Variants in MAGEC2 observed in about 807,000 individuals in gnomAD.
MAGEC2 encodes melanoma-associated antigen C2.
For missense variants in MAGEC2, 332 were observed against 282.3 expected (o/e 1.18, Z -1.26); for synonymous variants, 127 against 115.1 (o/e 1.10, Z -0.66).
In MAGEC2 at chrX:142,204,454, A is replaced by T. The variant is rs928672416; in HGVS notation, c.-159T>A. 1.2e-4 allele frequency: 23 copies of T among 186,152 alleles called. No individual in the cohort carries two copies. Among genetic ancestry groups the T allele is most frequent in the African/African-American group, 6.0e-4 (20 of 33,495 alleles). 15.3% of individuals were successfully genotyped at this position (186,152 alleles called of 1,213,427 possible). A position where few individuals can be genotyped will look rare whatever the true frequency, so the allele number is the denominator to read the frequency against. ...TTCGTCACCACCTGGTTCCTGGAGC[A>T]CCTGCAAGAGGAAGTGAGGGAGCCC... On this transcript the variant is annotated splice_region_variant and 5_prime_UTR_variant, in exon 2 of 3. Coordinates refer to ENST00000247452, the MANE Select transcript of MAGEC2 (RefSeq NM_016249.4).
In MAGEC2 at chrX:142,202,859, C is replaced by T; in HGVS notation, c.*7G>A. On this transcript the variant is annotated 3_prime_UTR_variant, in exon 3 of 3. Transcript: ENST00000247452. ...TCAAACACAAGGGGAAGAAACTATC[C>T]TAGACTTCACTCAGAAAAGGAGACG... The T allele has an allele frequency of 1.7e-6, 2 of 1,202,483 alleles. No individual in the cohort carries two copies. Among genetic ancestry groups the T allele is most frequent in the Non-Finnish European group, 2.2e-6 (2 of 890,807 alleles).
In MAGEC2 at chrX:142,203,632, T is replaced by C; in HGVS notation, c.356A>G (p.Gln119Arg). ...WSSFSEESSS[Q>R]KGEDTGTCQG... ...ACAGGTGCCTGTATCCTCCCCTTTC[T>C]GGCTGCTGGACTCCTCACTGAATGA... Residue 119 changes from glutamine (Q) to arginine (R), a missense_variant, in exon 3 of 3, where the codon CAG becomes CGG. By Grantham distance (43) the Gln-to-Arg change is conservative. Coordinates refer to ENST00000247452, the MANE Select transcript of MAGEC2 (RefSeq NM_016249.4). 5 of 1,210,757 alleles carry C rather than the reference T, an allele frequency of 4.1e-6. No individual in the cohort carries two copies. The highest frequency in any genetic ancestry group is 1.8e-5 in the South Asian group (1 of 56,847).
In MAGEC2 at chrX:142,202,955, GGACTCTC is replaced by G; in HGVS notation, c.1026_1032del (p.Glu342AspfsTer33). 8.3e-7 allele frequency: 1 copy of G among 1,211,304 alleles called. No homozygotes were observed. Among genetic ancestry groups the G allele is most frequent in the Non-Finnish European group, 1.1e-6 (1 of 895,183 alleles). ...TCATCTGCGGTATCAATTGTGGCCT[GGACTCTC>G]TCTTCCACATCTTTCAAAGCATCCT... On this transcript the variant is annotated frameshift_variant, in exon 3 of 3. Transcript: ENST00000247452. LOFTEE classifies it low-confidence loss of function (END_TRUNC).
In MAGEC2 at chrX:142,203,452, G is replaced by A. The variant is rs769552553; in HGVS notation, c.536C>T (p.Pro179Leu). 1 of 1,209,747 alleles carries A rather than the reference G, an allele frequency of 8.3e-7. No homozygotes were observed. The highest frequency in any genetic ancestry group is 1.8e-5 in the African/African-American group (1 of 57,024). ...CTCACGGGCTCTCTTGAGTATCACA[G>A]GAAAGTAATCTTTGTACTTGATGAC... ...MIVIKYKDYFPVILKRAREFM... is the reference protein window; with the variant it reads ...MIVIKYKDYFLVILKRAREFM... Residue 179 changes from proline (P) to leucine (L), a missense_variant, in exon 3 of 3, where the codon CCT becomes CTT. Pro to Leu is a moderately conservative substitution (Grantham distance 98). Coordinates refer to ENST00000247452, the MANE Select transcript of MAGEC2 (RefSeq NM_016249.4).
intron 2 of MAGEC2, 138 bp downstream of exon 2, chrX:142,204,224 G>T: frequency 1.6e-6 from 1 of 608,985 alleles, no homozygotes; most frequent in South Asian, 2.8e-5. Flanking sequence ...GAGGATGTGG[G>T]AACACACCTC....
Position 142,203,303 on chromosome X carries a change from G to A in MAGEC2, c.685C>T (p.Leu229Phe). Reference sequence around the variant, plus strand: ...ATCACACTCAGAATAATAATCAGGAGGCTGTTCTCGGGCATGCCCTCATCA... The same window carrying A: ...ATCACACTCAGAATAATAATCAGGAAGCTGTTCTCGGGCATGCCCTCATCA... ...SDDEGMPENS[L>F]LIIILSVIFI... Residue 229 changes from leucine to phenylalanine, a missense_variant, in exon 3 of 3, where the codon CTC becomes TTC. Transcript: ENST00000247452. 1 of 1,211,119 alleles carries A rather than the reference G, an allele frequency of 8.3e-7. No homozygotes were observed. The highest frequency in any genetic ancestry group is 2.2e-5 in the Admixed American group (1 of 46,010).
Position 142,202,972 on chromosome X carries a change from T to A in MAGEC2, c.1016A>T (p.Asp339Val). The change falls in exon 3 of 3, where the codon GAT (aspartate) becomes GTT (valine). Residue 339 changes from aspartate to valine, a missense_variant. Physicochemically the swap from Asp to Val is radical, Grantham distance 152. Transcript: ENST00000247452. ...FPSWYKDALK[D>V]VEERVQATID... ...TGTGGCCTGGACTCTCTCTTCCACA[T>A]CTTTCAAAGCATCCTTGTACCAGGA... The A allele has an allele frequency of 8.3e-7, 1 of 1,211,919 alleles. No homozygotes were observed. Among genetic ancestry groups the A allele is most frequent in the Non-Finnish European group, 1.1e-6 (1 of 895,538 alleles).
Position 142,204,010 on chromosome X carries a change from G to A in MAGEC2, c.-23C>T, listed in dbSNP as rs376876482. The A allele has an allele frequency of 1.7e-6, 2 of 1,188,124 alleles. No homozygotes were observed. Among genetic ancestry groups the A allele is most frequent in the African/African-American group, 3.5e-5 (2 of 56,398 alleles). On this transcript the variant is annotated 5_prime_UTR_variant, in exon 3 of 3. Transcript: ENST00000247452. ...CATGACGACTTCTTCAGGAGCAGCA[G>A]GTAAACGTATCAACAGGGATATGGA...
At position 142,202,897 on chromosome X, in the gene MAGEC2, A is replaced by G; in HGVS notation, c.1091T>C (p.Val364Ala). The change falls in exon 3 of 3, where the codon GTC (valine) becomes GCC (alanine). Residue 364 changes from valine (V) to alanine (A), a missense_variant. Coordinates refer to ENST00000247452, the MANE Select transcript of MAGEC2 (RefSeq NM_016249.4). ...AGAAAAGGAGACGTTGCTGGACATG[A>G]CACTGAGGCTTTCACTGGCCATGAC... The part of the protein sequence containing the change: ...ATVMASESLS[V>A]MSSNVSFSE 2.5e-6 allele frequency: 3 copies of G among 1,211,288 alleles called. No individual in the cohort carries two copies. Among genetic ancestry groups the G allele is most frequent in the Non-Finnish European group, 2.2e-6 (2 of 895,262 alleles).
rs753427720 is a variant in MAGEC2, at chrX:142,203,432, G to A, written c.556C>T (p.Arg186Cys). Reference sequence around the variant, plus strand: ...CCAAAAAGAAGCTCCATGAACTCACGGGCTCTCTTGAGTATCACAGGAAAG... The same window carrying A: ...CCAAAAAGAAGCTCCATGAACTCACAGGCTCTCTTGAGTATCACAGGAAAG... The part of the protein sequence containing the change: ...DYFPVILKRA[R>C]EFMELLFGLA... Residue 186 changes from arginine (R) to cysteine (C), a missense_variant, in exon 3 of 3, where the codon CGT (arginine) becomes TGT (cysteine). Arg to Cys is a radical substitution (Grantham distance 180, BLOSUM62 -3). Coordinates refer to ENST00000247452, the MANE Select transcript of MAGEC2 (RefSeq NM_016249.4). 1.6e-5 allele frequency: 19 copies of A among 1,209,637 alleles called. No individual in the cohort carries two copies. Among genetic ancestry groups the A allele is most frequent in the African/African-American group, 1.1e-4 (6 of 57,060 alleles).
chrX:142,203,966 G>C lies in MAGEC2; in HGVS notation c.22C>G (p.Pro8Ala). The C allele has an allele frequency of 3.4e-6, 4 of 1,177,716 alleles. No homozygotes were observed. The highest frequency in any genetic ancestry group is 4.5e-6 in the Non-Finnish European group (4 of 879,579). The change falls in exon 3 of 3, where the codon CCA becomes GCA. Residue 8 changes from proline (P) to alanine (A), a missense_variant. By Grantham distance (27) the Pro-to-Ala change is conservative. Coordinates refer to ENST00000247452, the MANE Select transcript of MAGEC2 (RefSeq NM_016249.4). MPPVPGV[P>A]FRNVDNDSPT... ...GAGTCGTTGTCAACGTTGCGGAATG[G>C]AACGCCTGGAACGGGAGGCATGACG... is the stretch of plus-strand genomic sequence containing the variant.
chrX:142,203,719 C>A lies in MAGEC2; in HGVS notation c.269G>T (p.Gly90Val), dbSNP rs1602740521. The A allele has an allele frequency of 8.3e-7, 1 of 1,209,753 alleles. No individual in the cohort carries two copies. Among genetic ancestry groups the A allele is most frequent in the South Asian group, 1.8e-5 (1 of 56,694 alleles). ...TESIPSSPPQ[G>V]PPQGPSQSPL... ...ACTCTGGGAAGGACCCTGTGGAGGA[C>A]CCTGTGGAGGACTACTGGGAATGCT... Residue 90 changes from glycine (G) to valine (V), a missense_variant, in exon 3 of 3, where the codon GGT becomes GTT. By Grantham distance (109) the Gly-to-Val change is moderately radical. Coordinates refer to ENST00000247452, the MANE Select transcript of MAGEC2 (RefSeq NM_016249.4).
rs1931188180 is a variant in MAGEC2 at position 142,203,625 on chromosome X, C to T, written c.363G>A (p.Gly121=). The T allele has an allele frequency of 3.3e-6, 4 of 1,210,669 alleles. No homozygotes were observed. The East Asian group carries it at 1.2e-4, about 36-fold the overall frequency. The stretch of plus-strand genomic sequence containing the variant: ...GGCCCTGACAGGTGCCTGTATCCTC[C>T]CCTTTCTGGCTGCTGGACTCCTCAC... ...SFSEESSSQK[G]EDTGTCQGLP... The change falls in exon 3 of 3, where the codon GGG becomes GGA. Residue 121 remains glycine, a synonymous_variant. Transcript: ENST00000247452.
rs187327192 is a variant in MAGEC2 at position 142,204,468 on chromosome X, G to A, written c.-160-13C>T. On this transcript the variant is annotated splice_polypyrimidine_tract_variant and intron_variant, in intron 1 of 2. Transcript: ENST00000247452. ...GTTCCTGGAGCACCTGCAAGAGGAA[G>A]TGAGGGAGCCCCTCAGGCTAAAGAC... The A allele has an allele frequency of 1.4e-4, 24 of 173,279 alleles. No homozygotes were observed. The highest frequency in any genetic ancestry group is 6.9e-4 in the African/African-American group (23 of 33,161). The allele number at this position is 173,279 out of a possible 1,213,427, so 14.3% of individuals were successfully genotyped here. A position where few individuals can be genotyped will look rare whatever the true frequency, so the allele number is the denominator to read the frequency against.
intron 2 of MAGEC2, 102 bp downstream of exon 2, chrX:142,204,260 G>C (rs1931202092): frequency 2.1e-6 from 1 of 483,446 alleles, no homozygotes; most frequent in East Asian, 3.5e-5. Context: ...GGCAGAGCCT[G>C]AGACCCCAGG....
At position 142,204,055 on chromosome X, in the gene MAGEC2, T is replaced by C; in HGVS notation, c.-66-2A>G. On this transcript the variant is annotated splice_acceptor_variant, in intron 2 of 2. Coordinates refer to ENST00000247452, the MANE Select transcript of MAGEC2 (RefSeq NM_016249.4). LOFTEE classifies it low-confidence loss of function (5UTR_SPLICE). ...TATGGATGATGAGATCCAACAGGCC[T>C]GTGGAAGAGAGTGACAGTGTGAGTG... 1 of 1,182,481 alleles carries C rather than the reference T, an allele frequency of 8.5e-7. No homozygotes were observed. Among genetic ancestry groups the C allele is most frequent in the East Asian group, 3.0e-5 (1 of 33,689 alleles).
In MAGEC2 at chrX:142,204,378, G is replaced by T. The variant is rs968350342; in HGVS notation, c.-83C>A. 8 of 305,465 alleles carry T rather than the reference G, an allele frequency of 2.6e-5. No individual in the cohort carries two copies. Among genetic ancestry groups the T allele is most frequent in the Non-Finnish European group, 4.0e-5 (7 of 175,729 alleles). 25.2% of individuals were successfully genotyped at this position (305,465 alleles called of 1,213,427 possible). A position where few individuals can be genotyped will look rare whatever the true frequency, so the allele number is the denominator to read the frequency against. ...TGCACTCACCTTGACTCCTGGCACT[G>T]CCTGGGCCTCCTCTGCTGTGCTGAC... On this transcript the variant is annotated 5_prime_UTR_variant, in exon 2 of 3. Coordinates refer to ENST00000247452, the MANE Select transcript of MAGEC2 (RefSeq NM_016249.4).
chrX:142,204,924 C>G (rs1265839969), intron 1 of MAGEC2, among the ~76,000 whole-genome samples, 179 bp downstream of exon 1: 1 of 111,629 alleles, frequency 9.0e-6, no homozygotes, highest in African/African-American at 3.3e-5. Context: ...TGCCACCCCG[C>G]CTGAGCTGAC....
rs1215655261 is a variant in MAGEC2 at position 142,202,522 on chromosome X, A to T, written c.*344T>A. ...GCTGAGTTATTGCACATTGTAAAAA[A>T]AAAAAAAAATGCCTATTACAATACC... On this transcript the variant is annotated 3_prime_UTR_variant, in exon 3 of 3. Coordinates refer to ENST00000247452, the MANE Select transcript of MAGEC2 (RefSeq NM_016249.4). 3.6e-5 allele frequency: 6 copies of T among 164,930 alleles called. No individual in the cohort carries two copies. Among genetic ancestry groups the T allele is most frequent in the African/African-American group, 1.2e-4 (4 of 32,668 alleles). The allele number at this position is 164,930 out of a possible 1,213,427, so 13.6% of individuals were successfully genotyped here. A position where few individuals can be genotyped will look rare whatever the true frequency, so the allele number is the denominator to read the frequency against.
Sources: gnomAD v4.1 joint callset for allele counts (sites outside exome capture counted in the v4.1 genomes callset) on GRCh38, gnomAD v4.1.1 for gene constraint, MANE v1.5 for transcripts, NCBI Gene and HGNC (gene_info 2026-07-23, HGNC 2026-07-21) for gene names.